The following SLC4A4 variants were observed in gnomAD, a reference collection of about 807,000 sequenced individuals.
SLC4A4 encodes electrogenic sodium bicarbonate cotransporter 1.
In SLC4A4, 27 loss-of-function variants were observed where a neutral mutation model predicts 111.5. The observed-to-expected ratio is 0.24, with a 90% confidence interval of 0.18 to 0.33. SLC4A4 has a LOEUF of 0.33. SLC4A4 is among the 10% of genes least tolerant of loss of function. The pLI is 1.00. For missense variants in SLC4A4, 909 were observed against 1,315.5 expected (o/e 0.69, Z 4.78); for synonymous variants, 443 against 463.4 (o/e 0.96, Z 0.57).
At chr4:71,419,363 C>A (rs961435221) in intron 7 of SLC4A4, among the ~76,000 whole-genome samples, 6 of 152,230 alleles carry the variant, frequency 3.9e-5, no homozygotes, top group Admixed American at 2.0e-4. Flanking sequence ...TGGAGCTTCC[C>A]TGCTGCTTTG....
chr4:71,231,563 G>T (rs534812315), intron 1 of SLC4A4, among the ~76,000 whole-genome samples: 1 of 152,312 alleles, frequency 6.6e-6, no homozygotes, highest in East Asian at 1.9e-4. Flanking sequence ...GGTATAACTT[G>T]TACGGTCAGA....
intron 7 of SLC4A4, among the ~76,000 whole-genome samples, chr4:71,426,588 A>G (rs992800132): frequency 6.6e-6 from 1 of 152,158 alleles, no homozygotes; most frequent in African/African-American, 2.4e-5. Context: ...CCACATAGAT[A>G]TGTATAGTTC....
chr4:71,219,482 A>C (rs546348229), intron 1 of SLC4A4, among the ~76,000 whole-genome samples: 126 of 152,336 alleles, frequency 8.3e-4, no homozygotes, highest in African/African-American at 2.7e-3. Flanking sequence ...AGCTCTGATA[A>C]AGAGGTACAA....
At chr4:71,443,641 G>A (rs900196091) in intron 8 of SLC4A4, among the ~76,000 whole-genome samples, 3 of 152,060 alleles carry the variant, frequency 2.0e-5, no homozygotes, top group Non-Finnish European at 4.4e-5. Context: ...AAATGTTTTA[G>A]GGTTCTCTTA....
At chr4:71,219,278 C>A (rs1215221708) in intron 1 of SLC4A4, among the ~76,000 whole-genome samples, 3 of 152,164 alleles carry the variant, frequency 2.0e-5, no homozygotes, top group Non-Finnish European at 4.4e-5. Context: ...AGTGAATACA[C>A]CAATGACAAG....
In SLC4A4 at chr4:71,339,278, C is replaced by T. The variant is rs777577495; in HGVS notation, c.254-92C>T. ...CCACTGAAAATGTGGAAGGGAAGCC[C>T]AGTAACCTTGGGGAGAGAGGAAGAG... On this transcript the variant is annotated intron_variant, in intron 3 of 25. Transcript: ENST00000264485. 2.5e-6 allele frequency: 4 copies of T among 1,614,030 alleles called. No homozygotes were observed. In the African/African-American group the frequency reaches 4.0e-5, roughly 16 times the overall value.
intron 2 of SLC4A4, among the ~76,000 whole-genome samples, chr4:71,100,712 C>T (rs984462543): frequency 1.3e-5 from 2 of 152,168 alleles, no homozygotes; most frequent in Admixed American, 1.3e-4. Context: ...AGTCTCACCC[C>T]AAAAGCTCCT....
chr4:71,559,746 A>AT (rs1174446869), intron 22 of SLC4A4, among the ~76,000 whole-genome samples: 2 of 151,764 alleles, frequency 1.3e-5, no homozygotes, highest in Non-Finnish European at 2.9e-5. Flanking sequence ...TATGCCAGCT[A>AT]TTTTTTTACT....
chr4:71,078,039 C>T (rs1363040674), intron 1 of SLC4A4, among the ~76,000 whole-genome samples: 1 of 151,904 alleles, frequency 6.6e-6, no homozygotes, highest in Non-Finnish European at 1.5e-5. Flanking sequence ...TGCAAAAAAT[C>T]TTGATAAGAT....
At chr4:71,460,366 CA>C (rs1726705616) in intron 12 of SLC4A4, among the ~76,000 whole-genome samples, 1 of 152,054 alleles carries the variant, frequency 6.6e-6, no homozygotes, top group Admixed American at 6.6e-5. Flanking sequence ...TACGTATTCA[CA>C]GCTCTTCAAA....
chr4:71,262,002 T>A (rs1418899143), intron 3 of SLC4A4, among the ~76,000 whole-genome samples: 1 of 152,064 alleles, frequency 6.6e-6, no homozygotes, highest in African/African-American at 2.4e-5. Flanking sequence ...TTTAGTGAAG[T>A]AAATGGGGTA....
intron 2 of SLC4A4, among the ~76,000 whole-genome samples, chr4:71,114,489 G>C (rs1450267367): frequency 1.7e-3 from 216 of 128,514 alleles, no homozygotes; most frequent in African/African-American, 4.1e-3. Context: ...AAATTTACAA[G>C]AAAAAAACAA....
chr4:71,503,114 A>T (rs1578059289), intron 16 of SLC4A4, among the ~76,000 whole-genome samples: 1 of 152,002 alleles, frequency 6.6e-6, no homozygotes, highest in Non-Finnish European at 1.5e-5. Flanking sequence ...ACTTAAGTAT[A>T]TTTTATATGG....
chr4:71,478,700 G>A (rs542333428), intron 14 of SLC4A4, among the ~76,000 whole-genome samples: 286 of 151,698 alleles, frequency 1.9e-3, no homozygotes, highest in Middle Eastern at 3.4e-3. Context: ...ATGTATACCT[G>A]TGTAAAAAAC....
chr4:71,116,909 C>T (rs1184829249), intron 2 of SLC4A4, among the ~76,000 whole-genome samples: 11 of 151,182 alleles, frequency 7.3e-5, no homozygotes, highest in Non-Finnish European at 1.3e-4. Flanking sequence ...AGCCATTGCA[C>T]TCCAGCCTGG....
chr4:71,545,398 G>A (rs1323381672), intron 18 of SLC4A4, among the ~76,000 whole-genome samples: 1 of 151,950 alleles, frequency 6.6e-6, no homozygotes, highest in Non-Finnish European at 1.5e-5. Flanking sequence ...TCCTTGGATT[G>A]GTCATACTCT....
At chr4:71,149,162 C>A (rs933328517) in intron 2 of SLC4A4, among the ~76,000 whole-genome samples, 1 of 152,014 alleles carries the variant, frequency 6.6e-6, no homozygotes, top group Non-Finnish European at 1.5e-5. Context: ...GTAGTTGAAG[C>A]CAGGTGTACT....
At chr4:71,183,798 C>A (rs922434640), upstream of SLC4A4, among the ~76,000 whole-genome samples, 3 of 152,154 alleles carry the variant, frequency 2.0e-5, no homozygotes, top group Admixed American at 1.3e-4. Context: ...GTCAGACTTT[C>A]GCCAATGAAC....
At chr4:71,079,124 T>C (rs939469008) in intron 1 of SLC4A4, among the ~76,000 whole-genome samples, 2 of 152,150 alleles carry the variant, frequency 1.3e-5, no homozygotes, top group African/African-American at 4.8e-5. Context: ...CAGCCTTGTA[T>C]AACAGTTTAA....
Sources: allele counts gnomAD v4.1 joint callset (sites outside exome capture counted in the v4.1 genomes callset), GRCh38; gene constraint gnomAD v4.1.1; transcripts MANE v1.5; gene names NCBI Gene and HGNC (gene_info 2026-07-23, HGNC 2026-07-21).